The following DISC1 variants were observed in gnomAD, a reference collection of about 807,000 sequenced individuals.
DISC1 encodes DISC1 scaffold protein.
A neutral mutation model predicts 84.5 loss-of-function variants in DISC1; 57 were observed. That is an observed-to-expected ratio of 0.67 (90% CI 0.55 to 0.84). The LOEUF (loss-of-function observed/expected upper bound fraction) is 0.84, where lower values mean the gene tolerates loss of function less well. Ranked by LOEUF, DISC1 falls within the 40% of genes least tolerant of loss-of-function variation. The pLI is 0.00. For synonymous variants in DISC1, 411 were observed against 415.2 expected (o/e 0.99, Z 0.12); for missense variants, 1,000 against 1,057.8 (o/e 0.95, Z 0.76).
chr1:231,772,947 G>A (rs2076668577), intron 6 of DISC1, among the ~76,000 whole-genome samples: 1 of 152,164 alleles, frequency 6.6e-6, no homozygotes, highest in Non-Finnish European at 1.5e-5. Flanking sequence ...CAAATGAAAC[G>A]GGTCCCTTGA....
chr1:232,027,910 C>T (rs1269412425), intron 12 of DISC1, among the ~76,000 whole-genome samples: 2 of 151,996 alleles, frequency 1.3e-5, no homozygotes, highest in African/African-American at 2.4e-5. Context: ...GCCAATGCTA[C>T]ACTTCCTTCC....
At chr1:231,910,558 G>A (rs1237630457) in intron 9 of DISC1, among the ~76,000 whole-genome samples, 2 of 152,164 alleles carry the variant, frequency 1.3e-5, no homozygotes, top group East Asian at 1.9e-4. Flanking sequence ...TATGATTTCT[G>A]TTCTTTTACA....
chr1:231,935,632 C>A (rs992019594), intron 9 of DISC1, among the ~76,000 whole-genome samples: 7 of 152,164 alleles, frequency 4.6e-5, no homozygotes, highest in African/African-American at 1.7e-4. Context: ...TAGAGGGACT[C>A]GTACCTTATA....
At chr1:232,007,980 C>G (rs1043561146) in intron 10 of DISC1, among the ~76,000 whole-genome samples, 9 of 152,204 alleles carry the variant, frequency 5.9e-5, no homozygotes, top group Non-Finnish European at 8.8e-5. Flanking sequence ...TTCTGCACTT[C>G]TCCTTCCTGC....
intron 9 of DISC1, among the ~76,000 whole-genome samples, chr1:231,852,280 G>A (rs1051948485): frequency 3.9e-5 from 6 of 152,140 alleles, no homozygotes; most frequent in South Asian, 4.1e-4. Context: ...ATTTGGAGTC[G>A]CTCATTGATT....
chr1:231,787,051 A>G (rs1487448357), intron 6 of DISC1, among the ~76,000 whole-genome samples: 1 of 152,182 alleles, frequency 6.6e-6, no homozygotes, highest in Non-Finnish European at 1.5e-5. Context: ...CCTGGATCTA[A>G]AGCAAGTATT....
chr1:231,838,532 G>T (rs2082789530), intron 9 of DISC1, among the ~76,000 whole-genome samples: 1 of 152,182 alleles, frequency 6.6e-6, no homozygotes, highest in African/African-American at 2.4e-5. Context: ...ACTGTAGCAA[G>T]AATATAGAAA....
At chr1:231,747,350 C>G (rs1394184843) in intron 3 of DISC1, among the ~76,000 whole-genome samples, 1 of 152,132 alleles carries the variant, frequency 6.6e-6, no homozygotes, top group Non-Finnish European at 1.5e-5. Flanking sequence ...TTCCCAGGCT[C>G]ATGTCCTCTG....
intron 4 of DISC1, among the ~76,000 whole-genome samples, chr1:231,761,704 A>C (rs2075680265): frequency 6.6e-6 from 1 of 152,248 alleles, no homozygotes; most frequent in Admixed American, 6.5e-5. Flanking sequence ...AAATTCAAGA[A>C]ACTTGTACTA....
At position 231,872,508 on chromosome 1, in the gene DISC1, A is replaced by G. The variant is rs917824045; in HGVS notation, c.1981+53991A>G. On this transcript the variant is annotated intron_variant, in intron 9 of 12. Coordinates refer to ENST00000439617, the MANE Select transcript of DISC1 (RefSeq NM_018662.3). ...GGAGTCACAGAGATGATTCAGCTTTAAAGTGTCTACATCATAGATTGGAAA... is the reference window on the plus strand; with the variant it reads ...GGAGTCACAGAGATGATTCAGCTTTGAAGTGTCTACATCATAGATTGGAAA... 3.9e-5 allele frequency among the ~76,000 whole-genome samples: 6 copies of G among 152,210 alleles called. No individual in the cohort carries two copies. The East Asian group carries it at 9.6e-4, about 24-fold the overall frequency.
chr1:231,804,353 G>C (rs1016610026), intron 8 of DISC1, among the ~76,000 whole-genome samples: 2 of 151,998 alleles, frequency 1.3e-5, no homozygotes, highest in Non-Finnish European at 2.9e-5. Flanking sequence ...GAAATGGCCT[G>C]TTCCATTTAT....
chr1:231,863,220 CTTTTTTTTTTT>C (rs533463099), intron 9 of DISC1, among the ~76,000 whole-genome samples: 6 of 54,758 alleles, frequency 1.1e-4, no homozygotes, highest in African/African-American at 1.5e-4. Flanking sequence ...ATAAAATGTT[CTTTTTTTTTTT>C]TTTTTTTTTT....
intron 9 of DISC1, among the ~76,000 whole-genome samples, chr1:231,883,179 A>C (rs2086416523): frequency 1.3e-5 from 2 of 152,166 alleles, no homozygotes; most frequent in African/African-American, 4.8e-5. Context: ...CCCAAGAGAA[A>C]AATGATACTT....
intron 8 of DISC1, 142 bp from the exon 9 acceptor site, chr1:231,818,187 A>G (rs1220085607): frequency 2.3e-6 from 2 of 855,946 alleles, no homozygotes; most frequent in Non-Finnish European, 1.9e-6. Flanking sequence ...TCCCCAGAGG[A>G]CTGCTAAGGA....
At chr1:232,014,709 C>T (rs913694499) in intron 11 of DISC1, among the ~76,000 whole-genome samples, 2 of 152,158 alleles carry the variant, frequency 1.3e-5, no homozygotes, top group African/African-American at 4.8e-5. Flanking sequence ...ACATGACCCT[C>T]GTTGTGTAAA....
At chr1:231,767,328 G>A (rs2076240989) in intron 5 of DISC1, 59 bp downstream of exon 5, 6 of 1,601,534 alleles carry the variant, frequency 3.7e-6, no homozygotes, top group African/African-American at 1.3e-5. Context: ...TTTGAGACAG[G>A]GTCTTGCTCT....
chr1:231,985,695 T>G (rs112886330), intron 10 of DISC1, among the ~76,000 whole-genome samples: 2 of 152,232 alleles, frequency 1.3e-5, no homozygotes, highest in African/African-American at 4.8e-5. Flanking sequence ...GTTAGCCATT[T>G]GTAACTACTA....
intron 9 of DISC1, among the ~76,000 whole-genome samples, chr1:231,838,947 C>T (rs1297765314): frequency 2.0e-5 from 3 of 152,094 alleles, no homozygotes; most frequent in South Asian, 2.1e-4. Flanking sequence ...TTCCTGACCT[C>T]GAGAGCTTTG....
chr1:231,968,272 A>T (rs922530819), intron 10 of DISC1, among the ~76,000 whole-genome samples: 2 of 152,158 alleles, frequency 1.3e-5, no homozygotes, highest in African/African-American at 4.8e-5. Context: ...ATCTTCTAGA[A>T]TTCCAGCTCC....
Sources: gnomAD v4.1 joint callset for allele counts (sites outside exome capture counted in the v4.1 genomes callset) on GRCh38, gnomAD v4.1.1 for gene constraint, MANE v1.5 for transcripts, NCBI Gene and HGNC (gene_info 2026-07-23, HGNC 2026-07-21) for gene names.